DCAF5: variants seen among roughly 807,000 people sequenced by gnomAD.
DCAF5 encodes DDB1 and CUL4 associated factor 5.
DCAF5 carries 9 observed loss-of-function variants against 80.7 expected under a neutral mutation model. The ratio of observed to expected loss-of-function variants is 0.11; its 90% confidence interval spans 0.07 to 0.19. The LOEUF is 0.19. Ranked by LOEUF, DCAF5 falls within the 10% of genes least tolerant of loss-of-function variation. DCAF5 has a pLI of 1.00. For missense variants in DCAF5, 842 were observed against 1,205.7 expected (o/e 0.70, Z 4.47); for synonymous variants, 433 against 461.9 (o/e 0.94, Z 0.80).
intron 1 of DCAF5, among the ~76,000 whole-genome samples, chr14:69,127,546 T>C (rs1044776298): frequency 2.0e-5 from 3 of 152,228 alleles, no homozygotes. Flanking sequence ...CTCTGTATGA[T>C]ACTGTAATGA....
intron 5 of DCAF5, among the ~76,000 whole-genome samples, chr14:69,095,575 C>T (rs2039679963): frequency 6.6e-6 from 1 of 152,044 alleles, no homozygotes; most frequent in African/African-American, 2.4e-5. Context: ...AAAAACCACT[C>T]AATTGGACTT....
At chr14:69,131,993 A>T (rs995192301) in intron 1 of DCAF5, among the ~76,000 whole-genome samples, 1 of 152,098 alleles carries the variant, frequency 6.6e-6, no homozygotes, top group Non-Finnish European at 1.5e-5. Context: ...AGGCTGAATA[A>T]TACTATTTCA....
chr14:69,080,404 G>A (rs141756128), intron 6 of DCAF5, among the ~76,000 whole-genome samples: 1 of 152,300 alleles, frequency 6.6e-6, no homozygotes, highest in African/African-American at 2.4e-5. Context: ...AACAGTGCCA[G>A]TGGCACTGTT....
intron 1 of DCAF5, among the ~76,000 whole-genome samples, chr14:69,130,598 A>G (rs921456610): frequency 2.0e-4 from 30 of 152,212 alleles, no homozygotes; most frequent in African/African-American, 7.2e-4. Flanking sequence ...ACATTTCACA[A>G]TAAAAAATAT....
chr14:69,087,128 C>A (rs2039359631), intron 6 of DCAF5, among the ~76,000 whole-genome samples: 1 of 152,170 alleles, frequency 6.6e-6, no homozygotes, highest in African/African-American at 2.4e-5. Context: ...CTATTGGACT[C>A]ACAATCTAGG....
At chr14:69,141,277 C>T (rs749912080) in intron 1 of DCAF5, among the ~76,000 whole-genome samples, 13 of 149,770 alleles carry the variant, frequency 8.7e-5, no homozygotes, top group Non-Finnish European at 1.9e-4. Flanking sequence ...TTTGGTTTTA[C>T]TTGCATACCA....
At chr14:69,067,811 A>AT (rs1169724461) in intron 7 of DCAF5, among the ~76,000 whole-genome samples, 2 of 151,470 alleles carry the variant, frequency 1.3e-5, no homozygotes, top group East Asian at 3.9e-4. Context: ...TAATTTTTGT[A>AT]TTTTTAGTAG....
chr14:69,146,383 C>T (rs571194997), intron 1 of DCAF5, among the ~76,000 whole-genome samples: 1 of 152,274 alleles, frequency 6.6e-6, no homozygotes, highest in African/African-American at 2.4e-5. Flanking sequence ...TATCAATTAG[C>T]TGACTAAAGA....
At chr14:69,064,399 T>C (rs1484739086) in intron 7 of DCAF5, among the ~76,000 whole-genome samples, 1 of 152,194 alleles carries the variant, frequency 6.6e-6, no homozygotes, top group Non-Finnish European at 1.5e-5. Flanking sequence ...TAACAGTCTC[T>C]TGTTTAATCC....
chr14:69,054,432 G>A lies in DCAF5; in HGVS notation c.2254C>T (p.His752Tyr). 1 of 1,614,084 alleles carries A rather than the reference G, an allele frequency of 6.2e-7. No homozygotes were observed. Among genetic ancestry groups the A allele is most frequent in the Non-Finnish European group, 8.5e-7 (1 of 1,180,042 alleles). The change falls in exon 9 of 9, where the codon CAT becomes TAT. Residue 752 changes from histidine to tyrosine, a missense_variant. His to Tyr is a moderately conservative substitution (Grantham distance 83, BLOSUM62 2). This residue lies in a region of DCAF5 where 607 missense variants were observed against 656.6 expected (regional missense o/e 0.92). Coordinates refer to ENST00000341516, the MANE Select transcript of DCAF5 (RefSeq NM_003861.3). ...CCCTCTGGCACCTCTGCCCAAGCAT[G>A]GCTGCTGTGCTCATGGCCTGGGCCA... ...SNGPGHEHSS[H>Y]AWAEVPEGTS...
intron 6 of DCAF5, chr14:69,083,735 T>C (rs2039206661): frequency 1.5e-6 from 1 of 650,446 alleles, no homozygotes; most frequent in Non-Finnish European, 2.8e-6. Context: ...AGAAAAATGG[T>C]GAATGATGCT....
chr14:69,119,274 G>T, intron 2 of DCAF5, 44 bp from the exon 3 acceptor site: 3 of 1,595,836 alleles, frequency 1.9e-6, no homozygotes, highest in South Asian at 2.3e-5. Flanking sequence ...GTGCAAGGTG[G>T]TCCCTGTCCA....
In DCAF5 at chr14:69,085,231, C is replaced by G. The variant is rs1040492838; in HGVS notation, c.879+6443G>C. On this transcript the variant is annotated intron_variant, in intron 6 of 8. Transcript: ENST00000341516. ...TGCTGTCATTGGTTTCAAGGTGCCTCCCTTTGTTGATCTGAACGTCAACAG... is the reference window on the plus strand; with the variant it reads ...TGCTGTCATTGGTTTCAAGGTGCCTGCCTTTGTTGATCTGAACGTCAACAG... 4.2e-6 allele frequency: 3 copies of G among 712,178 alleles called. No individual in the cohort carries two copies. In the African/African-American group the frequency reaches 5.3e-5, roughly 13 times the overall value. The allele number at this position is 712,178 out of a possible 1,614,324, so 44.1% of individuals were successfully genotyped here.
chr14:69,090,209 G>T, intron 6 of DCAF5: 2 of 664,326 alleles, frequency 3.0e-6, no homozygotes, highest in Non-Finnish European at 3.7e-6. Context: ...AGACTTGATT[G>T]TCATTTCCAC....
At chr14:69,081,752 ATGTG>A (rs5809416) in intron 6 of DCAF5, among the ~76,000 whole-genome samples, 45,944 of 151,208 alleles carry the variant, frequency 0.3, 9,218 homozygotes, top group East Asian at 0.9. Context: ...TTTATAGAAA[ATGTG>A]TGTGTGTGTG....
chr14:69,068,529 T>C (rs1305556011), intron 7 of DCAF5, among the ~76,000 whole-genome samples: 1 of 151,840 alleles, frequency 6.6e-6, no homozygotes, highest in Non-Finnish European at 1.5e-5. Flanking sequence ...AGAAACCCTG[T>C]CTCTACTAAA....
intron 2 of DCAF5, 98 bp from the exon 3 acceptor site, chr14:69,119,328 A>G: frequency 3.3e-6 from 4 of 1,220,326 alleles, no homozygotes; most frequent in Non-Finnish European, 4.7e-6. Flanking sequence ...AAAAATATGA[A>G]CAAAGCCAAT....
rs1255247767 is a variant in DCAF5, at chr14:69,057,334, G to A, written c.1075-1723C>T. On this transcript the variant is annotated intron_variant, in intron 8 of 8. Transcript: ENST00000341516. ...GAAAGGAAGCTGAGGGGTCCAAAAG[G>A]GAAAGCCCTTAGGATTTTTTTTTTT... Among the ~76,000 whole-genome samples the A allele has an allele frequency of 2.8e-5, 4 of 144,100 alleles. No homozygotes were observed. The Admixed American group carries it at 2.9e-4, about 11-fold the overall frequency. The allele number at this position is 144,100 out of a possible 152,430, so 94.5% of individuals were successfully genotyped here.
At position 69,055,032 on chromosome 14, in the gene DCAF5, A is replaced by T. The variant is rs780193032; in HGVS notation, c.1654T>A (p.Ser552Thr). ...CTGGATTCATCTTCGGGGCTGGGTG[A>T]CCGTGGCCGGGGAAAGAGATCTGTG... ...LDTDLFPRPRSPSPEDESSSS... is the reference protein window; with the variant it reads ...LDTDLFPRPRTPSPEDESSSS... The change falls in exon 9 of 9, where the codon TCA (serine) becomes ACA (threonine). Residue 552 changes from serine (S) to threonine (T), a missense_variant. Ser to Thr is a moderately conservative substitution (Grantham distance 58). Transcript: ENST00000341516. This position sits in a 1 kb window ranked among gnomAD's most constrained non-coding sequence, Gnocchi z 5.6. 1.2e-6 allele frequency: 2 copies of T among 1,614,156 alleles called. No homozygotes were observed. Among genetic ancestry groups the T allele is most frequent in the Admixed American group, 3.3e-5 (2 of 60,022 alleles).
Sources: gnomAD v4.1 joint callset for allele counts (sites outside exome capture counted in the v4.1 genomes callset) on GRCh38, gnomAD v4.1.1 for gene constraint, gnomAD v4.1.1 regional missense constraint, Gnocchi (gnomAD v3.1) non-coding constraint, MANE v1.5 for transcripts, NCBI Gene and HGNC (gene_info 2026-07-23, HGNC 2026-07-21) for gene names.